Variants in COL22A1 observed in about 807,000 individuals in gnomAD.
The protein encoded by COL22A1 is collagen alpha-1(XXII) chain.
COL22A1 carries 221 observed loss-of-function variants against 248.9 expected under a neutral mutation model. The observed-to-expected ratio is 0.89, with a 90% CI of 0.80 to 0.99. The LOEUF (loss-of-function observed/expected upper bound fraction) is 0.99. COL22A1 is among the 50% of genes least tolerant of loss of function. The probability of loss-of-function intolerance (pLI) is 0.00; values close to 1 mark genes in which losing one functional copy is unlikely to be tolerated. For synonymous variants in COL22A1, 891 were observed against 793.4 expected (o/e 1.12, Z -2.07); for missense variants, 2,240 against 2,179.0 (o/e 1.03, Z -0.56).
intron 47 of COL22A1, among the ~76,000 whole-genome samples, chr8:138,642,421 A>G (rs1201616135): frequency 6.6e-6 from 1 of 152,178 alleles, no homozygotes; most frequent in African/African-American, 2.4e-5. Context: ...GGGGCTCATC[A>G]TGCAGGGTTA....
At chr8:138,836,508 G>A (rs187358011) in intron 4 of COL22A1, among the ~76,000 whole-genome samples, 285 of 152,264 alleles carry the variant, frequency 1.9e-3, no homozygotes, top group African/African-American at 6.4e-3. Flanking sequence ...ACTAAATGCT[G>A]GATGCTCTAA....
chr8:138,665,152 A>G (rs977236695), intron 41 of COL22A1, among the ~76,000 whole-genome samples: 11 of 152,198 alleles, frequency 7.2e-5, no homozygotes, highest in African/African-American at 2.7e-4. Flanking sequence ...TGGGCACTAG[A>G]GAAAGTAGAG....
Position 138,868,271 on chromosome 8 carries a change from G to A in COL22A1, c.658+9479C>T, listed in dbSNP as rs372192852. ...ATCCTGTGATCCTCTCATACATCCC[G>A]AGTCAGGGGTTCTCAAAGCGGGCAA... On this transcript the variant is annotated intron_variant, in intron 3 of 64. Coordinates refer to ENST00000303045, the MANE Select transcript of COL22A1 (RefSeq NM_152888.3). 2.1e-4 allele frequency among the ~76,000 whole-genome samples: 32 copies of A among 152,188 alleles called. No homozygotes were observed. In the East Asian group the frequency reaches 5.2e-3, roughly 25 times the overall value.
At chr8:138,649,280 T>C (rs1035431627) in intron 46 of COL22A1, among the ~76,000 whole-genome samples, 14 of 152,234 alleles carry the variant, frequency 9.2e-5, no homozygotes, top group Non-Finnish European at 1.9e-4. Context: ...CATGAATGGA[T>C]GGATCCATTG....
chr8:138,594,336 C>T (rs1817347396), intron 62 of COL22A1, 137 bp from the exon 63 acceptor site: 1 of 693,336 alleles, frequency 1.4e-6, no homozygotes, highest in South Asian at 2.2e-5. Context: ...TGGCTACTCA[C>T]TGACAACTCA....
At chr8:138,704,895 C>T (rs1458095720) in intron 30 of COL22A1, among the ~76,000 whole-genome samples, 9 of 151,882 alleles carry the variant, frequency 5.9e-5, no homozygotes, top group African/African-American at 7.3e-5. Context: ...AAAGATTAGA[C>T]GAATGGCTAA....
At chr8:138,729,399 C>T (rs989848011) in intron 23 of COL22A1, among the ~76,000 whole-genome samples, 1 of 152,286 alleles carries the variant, frequency 6.6e-6, no homozygotes. Flanking sequence ...GTCTATCTCC[C>T]TGGTAAGACC....
At chr8:138,909,388 T>C (rs1393177403) in intron 1 of COL22A1, among the ~76,000 whole-genome samples, 1 of 151,734 alleles carries the variant, frequency 6.6e-6, no homozygotes, top group Non-Finnish European at 1.5e-5. Flanking sequence ...TTTTTTTTTT[T>C]CTTTTTTTGT....
At chr8:138,643,045 A>T (rs1332863540) in intron 47 of COL22A1, among the ~76,000 whole-genome samples, 1 of 149,328 alleles carries the variant, frequency 6.7e-6, no homozygotes, top group Non-Finnish European at 1.5e-5. Flanking sequence ...AAAAAAAAAA[A>T]GGCAATTCCC....
At chr8:138,598,677 C>A in intron 61 of COL22A1, 42 bp downstream of exon 61, 1 of 1,573,398 alleles carries the variant, frequency 6.4e-7, no homozygotes, top group Non-Finnish European at 8.6e-7. Context: ...CCCCCTTAGG[C>A]CCCGAGGAGC....
At chr8:138,849,272 T>C (rs774252811) in intron 3 of COL22A1, among the ~76,000 whole-genome samples, 10 of 152,204 alleles carry the variant, frequency 6.6e-5, no homozygotes, top group Non-Finnish European at 1.5e-4. Context: ...GCTGGAAGGA[T>C]GTAGTTATCT....
chr8:138,648,619 T>C (rs757045422), intron 46 of COL22A1, among the ~76,000 whole-genome samples: 2 of 152,162 alleles, frequency 1.3e-5, no homozygotes, highest in Non-Finnish European at 2.9e-5. Context: ...CAGGAATGTC[T>C]TTCTCTAGGA....
At chr8:138,862,026 T>TAAAAAAAAAAAAAAAAAAAAAAAAAA (rs386414193) in intron 3 of COL22A1, among the ~76,000 whole-genome samples, 2 of 93,262 alleles carry the variant, frequency 2.1e-5, no homozygotes, top group East Asian at 3.7e-4. Flanking sequence ...CTGTCTCTAC[T>TAAAAAAAAAAAAAAAAAAAAAAAAAA]AAAAAAAAAA....
chr8:138,841,310 G>C (rs187345819), intron 4 of COL22A1, among the ~76,000 whole-genome samples: 57 of 152,334 alleles, frequency 3.7e-4, no homozygotes, highest in African/African-American at 1.3e-3. Context: ...CAGCTCATAT[G>C]CTTGCTGGGG....
intron 54 of COL22A1, 74 bp from the exon 55 acceptor site, chr8:138,616,128 G>T: frequency 8.2e-7 from 1 of 1,214,168 alleles, no homozygotes. Flanking sequence ...AGGGGCACCT[G>T]AGGAGCTGGG....
At chr8:138,667,671 T>C (rs1780671573) in intron 41 of COL22A1, among the ~76,000 whole-genome samples, 1 of 152,146 alleles carries the variant, frequency 6.6e-6, no homozygotes, top group African/African-American at 2.4e-5. Context: ...CAAAGGGTAC[T>C]TTAGGGAACT....
chr8:138,727,559 G>A (rs1420985395), intron 23 of COL22A1, among the ~76,000 whole-genome samples: 1 of 152,218 alleles, frequency 6.6e-6, no homozygotes, highest in Non-Finnish European at 1.5e-5. Flanking sequence ...ATGGCCACTA[G>A]AGGGCGAGAA....
Position 138,645,621 on chromosome 8 carries a change from G to C in COL22A1, c.3501+1008C>G, listed in dbSNP as rs368289186. Among the ~76,000 whole-genome samples the C allele has an allele frequency of 7.2e-5, 11 of 152,160 alleles. 1 individual carries two copies. In the East Asian group the frequency reaches 1.5e-3, roughly 21 times the overall value. On this transcript the variant is annotated intron_variant, in intron 47 of 64. Transcript: ENST00000303045. ...CCGCAGTTGGCACAGTAATAAGCCT[G>C]TAGGCTCATAGTTTTCATAGTCCCT...
chr8:138,886,659 T>C (rs1012461519), intron 1 of COL22A1, among the ~76,000 whole-genome samples: 4 of 152,218 alleles, frequency 2.6e-5, no homozygotes, highest in African/African-American at 9.7e-5. Flanking sequence ...CTATTACTAA[T>C]AGAAAAGAGT....
Sources: gnomAD v4.1 joint callset for allele counts (sites outside exome capture counted in the v4.1 genomes callset) on GRCh38, gnomAD v4.1.1 for gene constraint, MANE v1.5 for transcripts, NCBI Gene and HGNC (gene_info 2026-07-23, HGNC 2026-07-21) for gene names.